Variants in MAJIN observed in about 807,000 individuals in gnomAD.
The protein encoded by MAJIN is membrane anchored junction protein.
MAJIN carries 27 observed loss-of-function variants against 30.2 expected under a neutral mutation model. The ratio of observed to expected loss-of-function variants is 0.89; its 90% CI spans 0.66 to 1.23. MAJIN has a LOEUF of 1.23. MAJIN is among the 50% of genes most tolerant of loss of function. The probability of loss-of-function intolerance (pLI) is 0.00; values close to 1 mark genes in which losing one functional copy is unlikely to be tolerated. For missense variants in MAJIN, 253 were observed against 260.3 expected, an observed-to-expected ratio of 0.97 and a Z score of 0.19; for synonymous variants, 78 against 91.6, an observed-to-expected ratio of 0.85 and a Z score of 0.85.
intron 8 of MAJIN, among the ~76,000 whole-genome samples, chr11:64,944,620 C>T (rs1945423411): frequency 6.6e-6 from 1 of 152,140 alleles, no homozygotes; most frequent in African/African-American, 2.4e-5. Flanking sequence ...GATTGCACCA[C>T]TGCACTCCAG....
intron 1 of MAJIN, among the ~76,000 whole-genome samples, chr11:64,967,222 A>G (rs1945826040): frequency 6.6e-6 from 1 of 152,078 alleles, no homozygotes; most frequent in Non-Finnish European, 1.5e-5. Context: ...AACCTGGCCA[A>G]CGTGGTGAAA....
intron 8 of MAJIN, among the ~76,000 whole-genome samples, chr11:64,944,319 A>C (rs983811958): frequency 1.3e-5 from 2 of 152,136 alleles, no homozygotes; most frequent in African/African-American, 4.8e-5. Context: ...CCTCCTGGCC[A>C]CTTTATGCTC....
At chr11:64,955,510 A>G (rs1945617304) in intron 3 of MAJIN, among the ~76,000 whole-genome samples, 1 of 152,226 alleles carries the variant, frequency 6.6e-6, no homozygotes, top group African/African-American at 2.4e-5. Flanking sequence ...TCTTCATGGA[A>G]TATTTTACTT....
At chr11:64,948,401 A>C (rs912041958) in intron 6 of MAJIN, among the ~76,000 whole-genome samples, 2 of 151,226 alleles carry the variant, frequency 1.3e-5, no homozygotes, top group African/African-American at 4.9e-5. Flanking sequence ...AAAAGGGGAG[A>C]TATTTTGAGG....
Position 64,947,836 on chromosome 11 carries a change from G to A in MAJIN, c.350-17C>T. The A allele has an allele frequency of 6.4e-7, 1 of 1,555,268 alleles. No individual in the cohort carries two copies. Among genetic ancestry groups the A allele is most frequent in the Non-Finnish European group, 8.9e-7 (1 of 1,128,046 alleles). ...TTGGTTTCCCTACAATAGGAAATTT[G>A]AGTGTCATAATAGATTTAAGACTTT... is the stretch of plus-strand genomic sequence containing the variant. On this transcript the variant is annotated splice_polypyrimidine_tract_variant and intron_variant, in intron 6 of 10. Transcript: ENST00000301896.
At chr11:64,966,247 T>A (rs1377602952) in intron 1 of MAJIN, among the ~76,000 whole-genome samples, 1 of 151,468 alleles carries the variant, frequency 6.6e-6, no homozygotes, top group African/African-American at 2.4e-5. Flanking sequence ...TTTTAACAAT[T>A]GATACAGCCA....
intron 1 of MAJIN, among the ~76,000 whole-genome samples, chr11:64,971,323 A>G (rs531879509): frequency 1.3e-5 from 2 of 150,324 alleles, no homozygotes; most frequent in South Asian, 4.2e-4. Flanking sequence ...GCTACTCAGG[A>G]GGCTGAGGCA....
chr11:64,954,780 C>T lies in MAJIN; in HGVS notation c.124G>A (p.Glu42Lys), dbSNP rs1249641714. The change falls in exon 4 of 11, where the codon GAA (glutamate) becomes AAA (lysine). Residue 42 changes from glutamate (E) to lysine (K), a missense_variant. Transcript: ENST00000301896. ...SIRGEEIENK[E>K]VITQELEDSV... ...ACCTCCAGCTCCTGGGTGATGACTT[C>T]CTTATTTTCTATCTCTTCTCCTCTA... The T allele has an allele frequency of 1.2e-6, 2 of 1,612,890 alleles. No homozygotes were observed. Among genetic ancestry groups the T allele is most frequent in the South Asian group, 1.1e-5 (1 of 90,870 alleles).
At chr11:64,954,299 G>A (rs1249968592) in intron 4 of MAJIN, 1 of 266,050 alleles carries the variant, frequency 3.8e-6, no homozygotes, top group Non-Finnish European at 7.3e-6. Flanking sequence ...AGAAAGGAAT[G>A]AAAATGAAGT....
chr11:64,959,889 T>C (rs974158474), intron 2 of MAJIN, among the ~76,000 whole-genome samples, 200 bp downstream of exon 2: 1 of 152,170 alleles, frequency 6.6e-6, no homozygotes, highest in Non-Finnish European at 1.5e-5. Flanking sequence ...AGGAGGACGT[T>C]TGCTATCAAT....
chr11:64,959,467 C>T (rs1945690069), intron 2 of MAJIN, 45 bp from the exon 3 acceptor site: 1 of 1,507,740 alleles, frequency 6.6e-7, no homozygotes, highest in East Asian at 2.3e-5. Context: ...AACGATTGTT[C>T]CTTATTTACA....
intron 8 of MAJIN, among the ~76,000 whole-genome samples, chr11:64,947,168 G>A (rs529407370): frequency 5.3e-5 from 8 of 152,196 alleles, no homozygotes; most frequent in South Asian, 2.1e-4. Flanking sequence ...AAGAAAAATC[G>A]TACTTTGCTG....
intron 5 of MAJIN, 136 bp from the exon 6 acceptor site, chr11:64,950,004 A>C: frequency 8.2e-7 from 1 of 1,219,716 alleles, no homozygotes; most frequent in Non-Finnish European, 1.1e-6. Flanking sequence ...ATTTGAGTCT[A>C]AAATGTGAGC....
intron 1 of MAJIN, among the ~76,000 whole-genome samples, chr11:64,964,026 C>T (rs150456469): frequency 0.039 from 5,869 of 152,284 alleles, 157 homozygotes; most frequent in Middle Eastern, 0.14. Context: ...TCACTGCAAC[C>T]TTTGCCTCCC....
At chr11:64,961,467 ATTTTTTTT>A (rs36053356) in intron 1 of MAJIN, among the ~76,000 whole-genome samples, 8 of 59,184 alleles carry the variant, frequency 1.4e-4, no homozygotes, top group East Asian at 5.2e-4. Context: ...GTGCCCGGCA[ATTTTTTTT>A]TTTTTTTTTT....
At chr11:64,953,812 CA>C (rs1251017707) in intron 4 of MAJIN, among the ~76,000 whole-genome samples, 1 of 151,878 alleles carries the variant, frequency 6.6e-6, no homozygotes, top group African/African-American at 2.4e-5. Context: ...AACAAACAAA[CA>C]AAAAACCAGG....
At position 64,952,181 on chromosome 11, in the gene MAJIN, G is replaced by A. The variant is rs1378569552; in HGVS notation, c.148-1751C>T. ...TAGGATTACAGGCATGAGCGACCAC[G>A]CCCGGCCTTTTTTTTTGAGATGAAG... On this transcript the variant is annotated intron_variant, in intron 4 of 10. Transcript: ENST00000301896. Among the ~76,000 whole-genome samples the A allele has an allele frequency of 2.6e-5, 4 of 151,690 alleles. No individual in the cohort carries two copies. In the East Asian group the frequency reaches 5.8e-4, roughly 22 times the overall value.
chr11:64,938,969 G>T (rs959154232), intron 10 of MAJIN, among the ~76,000 whole-genome samples: 1 of 152,276 alleles, frequency 6.6e-6, no homozygotes, highest in Admixed American at 6.5e-5. Context: ...TTGCTCTGTT[G>T]TCCAGGCTGG....
intron 6 of MAJIN, among the ~76,000 whole-genome samples, chr11:64,948,633 ATATATATTTTTTTTTTTTTTTTTTTTTT>A (rs1945496965): frequency 2.6e-5 from 1 of 38,340 alleles, no homozygotes; most frequent in African/African-American, 1.8e-4. Context: ...ATATATATAT[ATATATATTTTTTTTTTTTTTTTTTTTTT>A]TTTTTTTTTT....
Sources: gnomAD v4.1 joint callset for allele counts (sites outside exome capture counted in the v4.1 genomes callset) on GRCh38, gnomAD v4.1.1 for gene constraint, MANE v1.5 for transcripts, NCBI Gene and HGNC (gene_info 2026-07-23, HGNC 2026-07-21) for gene names.